The following MACROD2 variants were observed in gnomAD, a reference collection of about 807,000 sequenced individuals.
The protein encoded by MACROD2 is ADP-ribose glycohydrolase MACROD2.
MACROD2 carries 36 observed loss-of-function variants against 70.4 expected under a neutral mutation model. The observed-to-expected ratio is 0.51, with a 90% CI of 0.39 to 0.68. The LOEUF is 0.68. MACROD2 is among the 30% of genes least tolerant of loss of function. The probability of loss-of-function intolerance (pLI) is 0.00; values close to 1 mark genes in which losing one functional copy is unlikely to be tolerated. For missense variants in MACROD2, 496 were observed against 538.4 expected, an observed-to-expected ratio of 0.92 and a Z score of 0.78; for synonymous variants, 172 against 178.8, an observed-to-expected ratio of 0.96 and a Z score of 0.30.
chr20:14,879,398 T>G (rs2073586317), intron 5 of MACROD2, among the ~76,000 whole-genome samples: 1 of 152,222 alleles, frequency 6.6e-6, no homozygotes, highest in Non-Finnish European at 1.5e-5. Context: ...GGTTCACTCA[T>G]GTTGACATTA....
At chr20:14,437,482 T>C (rs895073573) in intron 3 of MACROD2, among the ~76,000 whole-genome samples, 4 of 152,010 alleles carry the variant, frequency 2.6e-5, no homozygotes, top group East Asian at 1.9e-4. Context: ...TAATCCTAGA[T>C]ACTTGGGAGG....
chr20:14,436,059 A>C (rs1205180043), intron 3 of MACROD2, among the ~76,000 whole-genome samples: 1 of 152,196 alleles, frequency 6.6e-6, no homozygotes, highest in Non-Finnish European at 1.5e-5. Context: ...AATTTTATAA[A>C]AGCCAGAACA....
intron 6 of MACROD2, among the ~76,000 whole-genome samples, chr20:15,296,300 G>A (rs1320198474): frequency 6.6e-6 from 1 of 152,006 alleles, no homozygotes; most frequent in African/African-American, 2.4e-5. Context: ...AGAAGAGAGG[G>A]GGATAGAAAG....
chr20:14,415,733 A>G (rs1424564381), intron 3 of MACROD2, among the ~76,000 whole-genome samples: 1 of 152,202 alleles, frequency 6.6e-6, no homozygotes, highest in Non-Finnish European at 1.5e-5. Context: ...TAAGCTGGTG[A>G]CACAAGGAAA....
chr20:14,640,342 C>T (rs958843903), intron 4 of MACROD2, among the ~76,000 whole-genome samples: 13 of 152,140 alleles, frequency 8.5e-5, no homozygotes, highest in Non-Finnish European at 1.0e-4. Flanking sequence ...CCTGAAACTA[C>T]TTTGCTTTTT....
chr20:15,104,651 G>A (rs554703093), intron 5 of MACROD2, among the ~76,000 whole-genome samples: 48 of 152,058 alleles, frequency 3.2e-4, no homozygotes, highest in African/African-American at 1.1e-3. Context: ...TTGTTGATAC[G>A]CCCATATTGC....
chr20:15,598,394 C>T (rs2048774093), intron 8 of MACROD2, among the ~76,000 whole-genome samples: 1 of 152,008 alleles, frequency 6.6e-6, no homozygotes, highest in African/African-American at 2.4e-5. Flanking sequence ...TGATGGGAGA[C>T]AAAATTAAGT....
chr20:15,051,339 TGTGTGTGTGTG>T (rs1333907973), intron 5 of MACROD2, among the ~76,000 whole-genome samples: 4 of 116 alleles, frequency 0.034, no homozygotes, highest in South Asian at 0.5. Flanking sequence ...CAGTAGGAGA[TGTGTGTGTGTG>T]TGTGTGTGTG....
intron 15 of MACROD2, among the ~76,000 whole-genome samples, chr20:16,019,820 C>T (rs1482576879): frequency 1.3e-5 from 2 of 152,122 alleles, no homozygotes; most frequent in Non-Finnish European, 1.5e-5. Flanking sequence ...CAACTCCTGC[C>T]CAAGGCCCGG....
At chr20:14,225,535 GA>G (rs1389274139) in intron 3 of MACROD2, among the ~76,000 whole-genome samples, 2 of 152,138 alleles carry the variant, frequency 1.3e-5, no homozygotes, top group African/African-American at 4.8e-5. Flanking sequence ...AATAATTACT[GA>G]AACAGTTTCA....
intron 8 of MACROD2, among the ~76,000 whole-genome samples, chr20:15,607,830 G>A (rs1217252474): frequency 2.0e-5 from 3 of 152,036 alleles, no homozygotes; most frequent in South Asian, 2.1e-4. Flanking sequence ...TACCGCGCCC[G>A]GCTGCAATAA....
intron 3 of MACROD2, among the ~76,000 whole-genome samples, chr20:14,360,920 G>A (rs1265028840): frequency 6.6e-6 from 1 of 152,112 alleles, no homozygotes; most frequent in African/African-American, 2.4e-5. Context: ...ATTTGCAGAA[G>A]CAATTAAGGG....
At chr20:15,832,777 G>C (rs1421222855) in intron 8 of MACROD2, among the ~76,000 whole-genome samples, 5 of 152,170 alleles carry the variant, frequency 3.3e-5, no homozygotes, top group African/African-American at 1.2e-4. Context: ...TGAGAGTGCA[G>C]CCTGGAACCC....
intron 3 of MACROD2, among the ~76,000 whole-genome samples, chr20:14,481,511 T>C (rs1050588452): frequency 1.3e-5 from 2 of 152,186 alleles, no homozygotes; most frequent in African/African-American, 4.8e-5. Flanking sequence ...TTAAGTTGTA[T>C]GATGTATGTA....
intron 3 of MACROD2, among the ~76,000 whole-genome samples, chr20:14,469,189 C>T (rs113407430): frequency 0.018 from 2,763 of 151,444 alleles, 90 homozygotes; most frequent in African/African-American, 0.063. Flanking sequence ...GCTTATGAAC[C>T]TTAGTTTGCC....
intron 3 of MACROD2, among the ~76,000 whole-genome samples, chr20:14,355,839 T>C (rs1043102062): frequency 2.0e-5 from 3 of 152,238 alleles, no homozygotes; most frequent in Non-Finnish European, 1.5e-5. Flanking sequence ...ATTTTTCATT[T>C]CAGCCTTGAG....
chr20:14,552,406 T>C (rs1347757026), intron 4 of MACROD2, among the ~76,000 whole-genome samples: 1 of 151,212 alleles, frequency 6.6e-6, no homozygotes, highest in Admixed American at 6.6e-5. Flanking sequence ...CATCCCAAAA[T>C]AGATTTAGCT....
intron 8 of MACROD2, among the ~76,000 whole-genome samples, chr20:15,535,105 A>G (rs1487472027): frequency 1.3e-5 from 2 of 152,122 alleles, no homozygotes. Flanking sequence ...CCTACCAAGT[A>G]ACTGGGACAA....
chr20:14,703,885 C>A (rs535759228), intron 5 of MACROD2, among the ~76,000 whole-genome samples: 96 of 151,920 alleles, frequency 6.3e-4, no homozygotes, highest in Non-Finnish European at 1.5e-4. Context: ...CACTACCACA[C>A]CTGGCTAATT....
Sources: gnomAD v4.1 joint callset for allele counts (sites outside exome capture counted in the v4.1 genomes callset) on GRCh38, gnomAD v4.1.1 for gene constraint, MANE v1.5 for transcripts, NCBI Gene and HGNC (gene_info 2026-07-23, HGNC 2026-07-21) for gene names.